Variants in TACR1 observed in about 807,000 individuals in gnomAD.
TACR1 encodes the protein tachykinin receptor 1.
Under a neutral mutation model 35.8 loss-of-function variants are expected in TACR1, and 25 were observed. The ratio of observed to expected loss-of-function variants is 0.70; its 90% CI spans 0.51 to 0.98. TACR1 has a LOEUF of 0.98. TACR1 is among the 50% of genes least tolerant of loss of function. The pLI, the probability that TACR1 is intolerant of heterozygous loss-of-function variation, is 0.00. For synonymous variants in TACR1, 195 were observed against 206.7 expected (o/e 0.94, Z 0.48); for missense variants, 478 against 522.9 (o/e 0.91, Z 0.84).
intron 2 of TACR1, among the ~76,000 whole-genome samples, chr2:75,085,052 C>T (rs1409392007): frequency 6.6e-6 from 1 of 152,020 alleles, no homozygotes; most frequent in Non-Finnish European, 1.5e-5. Flanking sequence ...CCTGCTTTCT[C>T]TTGTGGGCAT....
chr2:75,102,432 G>T (rs1673549801), intron 2 of TACR1, among the ~76,000 whole-genome samples: 1 of 152,090 alleles, frequency 6.6e-6, no homozygotes, highest in Admixed American at 6.6e-5. Flanking sequence ...TGAAGCCAAA[G>T]GTTCTAACTG....
chr2:75,094,855 A>ATTTT (rs1351976784), intron 2 of TACR1, among the ~76,000 whole-genome samples: 2 of 87,920 alleles, frequency 2.3e-5, no homozygotes, highest in African/African-American at 1.2e-4. Context: ...ATATATATAT[A>ATTTT]TATATTTTTT....
chr2:75,147,785 C>A (rs1205578435), intron 1 of TACR1, among the ~76,000 whole-genome samples: 24 of 150,468 alleles, frequency 1.6e-4, no homozygotes. Flanking sequence ...CCTCTGTAGG[C>A]CAGGCTGGAG....
intron 2 of TACR1, among the ~76,000 whole-genome samples, chr2:75,077,636 A>G (rs1364773266): frequency 6.6e-6 from 1 of 152,182 alleles, no homozygotes; most frequent in African/African-American, 2.4e-5. Flanking sequence ...TCCTGTGTCC[A>G]TTTATTGAAT....
At chr2:75,155,874 A>G (rs941720190) in intron 1 of TACR1, among the ~76,000 whole-genome samples, 1 of 152,274 alleles carries the variant, frequency 6.6e-6, no homozygotes, top group African/African-American at 2.4e-5. Context: ...ATTCTAACTC[A>G]GGATTGGTAA....
intron 2 of TACR1, among the ~76,000 whole-genome samples, chr2:75,080,896 G>A (rs369997223): frequency 2.0e-5 from 3 of 152,282 alleles, no homozygotes; most frequent in South Asian, 4.1e-4. Flanking sequence ...TCTCCACCTG[G>A]GATGGGGATA....
At chr2:75,185,415 G>A (rs1217811445) in intron 1 of TACR1, among the ~76,000 whole-genome samples, 1 of 151,862 alleles carries the variant, frequency 6.6e-6, no homozygotes. Flanking sequence ...CACTGAAAAA[G>A]AAATGAACAT....
At chr2:75,190,384 A>G (rs1032585094) in intron 1 of TACR1, among the ~76,000 whole-genome samples, 1 of 152,238 alleles carries the variant, frequency 6.6e-6, no homozygotes, top group African/African-American at 2.4e-5. Flanking sequence ...AAAGATGGAA[A>G]GAATGTTGAA....
At chr2:75,164,614 G>A (rs1675096758) in intron 1 of TACR1, among the ~76,000 whole-genome samples, 1 of 152,054 alleles carries the variant, frequency 6.6e-6, no homozygotes, top group African/African-American at 2.4e-5. Context: ...CAGGCAGTTT[G>A]AAAGGTAAAC....
At position 75,047,550 on chromosome 2, in the gene TACR1, A is replaced by G. The variant is rs1448582198; in HGVS notation, c.*1882T>C. 3 of 152,180 alleles carry G rather than the reference A, an allele frequency of 2.0e-5. No homozygotes were observed. The highest frequency in any genetic ancestry group is 7.2e-5 in the African/African-American group (3 of 41,440). 9.4% of individuals were successfully genotyped at this position (152,180 alleles called of 1,614,324 possible). On this transcript the variant is annotated 3_prime_UTR_variant, in exon 5 of 5. Transcript: ENST00000305249. Reference sequence around the variant, plus strand: ...ATCTTCTCAGGTACTTCTCATAATCATGTTAGCTCTTTACATTCTTCCAAA... The same window carrying G: ...ATCTTCTCAGGTACTTCTCATAATCGTGTTAGCTCTTTACATTCTTCCAAA...
chr2:75,129,087 AAAAG>A (rs1674132845), intron 1 of TACR1, among the ~76,000 whole-genome samples: 1 of 152,222 alleles, frequency 6.6e-6, no homozygotes. Context: ...GAGTAAGAAA[AAAAG>A]AAAGAAGAGA....
chr2:75,174,995 T>G (rs1441420446), intron 1 of TACR1, among the ~76,000 whole-genome samples: 1 of 152,202 alleles, frequency 6.6e-6, no homozygotes, highest in Non-Finnish European at 1.5e-5. Flanking sequence ...TTTATTGATT[T>G]TTACTCTGAA....
chr2:75,157,929 CA>C, intron 1 of TACR1, among the ~76,000 whole-genome samples: 1 of 152,208 alleles, frequency 6.6e-6, no homozygotes, highest in African/African-American at 2.4e-5. Context: ...AAGTCCCCAC[CA>C]AAAAGAGCTT....
chr2:75,198,611 G>A lies in TACR1; in HGVS notation c.324C>T (p.His108=), dbSNP rs1183286162. The A allele has an allele frequency of 1.9e-6, 3 of 1,614,108 alleles. No homozygotes were observed. Among genetic ancestry groups the A allele is most frequent in the Admixed American group, 1.7e-5 (1 of 60,018 alleles). Residue 108 remains histidine (H), a synonymous_variant, in exon 1 of 5, where the codon CAC becomes CAT. Coordinates refer to ENST00000305249, the MANE Select transcript of TACR1 (RefSeq NM_001058.4). The part of the protein sequence containing the change: ...WYYGLFYCKF[H]NFFPIAAVFA... ...AGACAGCGGCGATGGGAAAGAAGTT[G>A]TGGAACTTGCAGTAGAACAGGCCGT...
intron 2 of TACR1, among the ~76,000 whole-genome samples, chr2:75,057,576 CA>C (rs746077711): frequency 9.7e-4 from 147 of 152,258 alleles, no homozygotes; most frequent in Non-Finnish European, 1.8e-3. Flanking sequence ...AAGTCAGACA[CA>C]AAAGGAAAAG....
At chr2:75,078,720 T>G (rs1255243498) in intron 2 of TACR1, among the ~76,000 whole-genome samples, 1 of 152,142 alleles carries the variant, frequency 6.6e-6, no homozygotes, top group Non-Finnish European at 1.5e-5. Context: ...TTTCTTTGCA[T>G]CAGAAGAGCA....
chr2:75,149,993 G>C (rs565212842), intron 1 of TACR1, among the ~76,000 whole-genome samples: 133 of 152,296 alleles, frequency 8.7e-4, no homozygotes, highest in Middle Eastern at 3.4e-3. Context: ...CATCTATTGA[G>C]ATAATCATGA....
At position 75,054,965 on chromosome 2, in the gene TACR1, C is replaced by T. The variant is rs183700110; in HGVS notation, c.585-1210G>A. ...GGTACTATGAATCCCATTTTGTAGA[C>T]GAGGAAACCACATTTAGAATTTAAT... On this transcript the variant is annotated intron_variant, in intron 2 of 4. Coordinates refer to ENST00000305249, the MANE Select transcript of TACR1 (RefSeq NM_001058.4). Among the ~76,000 whole-genome samples the T allele has an allele frequency of 3.3e-3, 502 of 152,164 alleles. 3 individuals are homozygous for T. The highest frequency in any genetic ancestry group is 0.011 in the African/African-American group (476 of 41,502).
intron 2 of TACR1, among the ~76,000 whole-genome samples, chr2:75,111,664 G>T (rs1315330782): frequency 6.6e-6 from 1 of 151,942 alleles, no homozygotes; most frequent in African/African-American, 2.4e-5. Context: ...CAATACTGAT[G>T]GGAAAGGATA....
Sources: allele counts gnomAD v4.1 joint callset (sites outside exome capture counted in the v4.1 genomes callset), GRCh38; gene constraint gnomAD v4.1.1; transcripts MANE v1.5; gene names NCBI Gene and HGNC (gene_info 2026-07-23, HGNC 2026-07-21).